Variants in YEATS2 observed in about 807,000 individuals in gnomAD.
The protein encoded by YEATS2 is YEATS domain-containing protein 2.
A neutral mutation model predicts 163.2 loss-of-function variants in YEATS2; 77 were observed. The observed-to-expected ratio is 0.47, with a 90% CI of 0.39 to 0.57. The LOEUF (loss-of-function observed/expected upper bound fraction) is 0.57. Among genes scored for constraint, YEATS2 ranks in the 20% least tolerant of loss-of-function variants. The probability of loss-of-function intolerance (pLI) is 0.00; values close to 1 mark genes in which losing one functional copy is unlikely to be tolerated. For missense variants in YEATS2, 1,549 were observed against 1,729.8 expected (o/e 0.90, Z 1.85); for synonymous variants, 631 against 645.1 (o/e 0.98, Z 0.33).
intron 15 of YEATS2, among the ~76,000 whole-genome samples, chr3:183,765,927 A>T (rs1264302538): frequency 2.0e-5 from 3 of 151,716 alleles, no homozygotes; most frequent in Non-Finnish European, 4.4e-5. Flanking sequence ...AGCCTGGGAG[A>T]TAGAGCAAGA....
intron 15 of YEATS2, among the ~76,000 whole-genome samples, chr3:183,770,306 C>A (rs1722326735): frequency 6.6e-6 from 1 of 151,906 alleles, no homozygotes; most frequent in African/African-American, 2.4e-5. Context: ...ATGGCATGAA[C>A]CCGTGAGGCG....
chr3:183,739,998 A>C (rs1345191039), intron 8 of YEATS2, among the ~76,000 whole-genome samples: 1 of 97,764 alleles, frequency 1.0e-5, no homozygotes, highest in Non-Finnish European at 2.1e-5. Flanking sequence ...TAAAACCATA[A>C]AAACCCTAGA....
chr3:183,747,259 A>G (rs1415900829), intron 8 of YEATS2, among the ~76,000 whole-genome samples: 1 of 152,162 alleles, frequency 6.6e-6, no homozygotes, highest in African/African-American at 2.4e-5. Flanking sequence ...AAATATCTGT[A>G]CACAGTCTTT....
At chr3:183,732,974 C>T (rs552841999) in intron 7 of YEATS2, among the ~76,000 whole-genome samples, 1 of 152,214 alleles carries the variant, frequency 6.6e-6, no homozygotes, top group South Asian at 2.1e-4. Flanking sequence ...TGTCCTCCTA[C>T]TTTAGCCTCC....
intron 15 of YEATS2, among the ~76,000 whole-genome samples, chr3:183,767,853 G>A (rs766459556): frequency 1.3e-5 from 2 of 152,132 alleles, no homozygotes; most frequent in East Asian, 1.9e-4. Flanking sequence ...GAGAAATTAC[G>A]TGTCATATCC....
At chr3:183,806,722 T>C (rs1321796327) in intron 27 of YEATS2, 144 bp from the exon 28 acceptor site, 2 of 752,402 alleles carry the variant, frequency 2.7e-6, no homozygotes, top group South Asian at 3.7e-5. Context: ...CTCATCATTA[T>C]AGATCCATAG....
chr3:183,770,749 G>T (rs1317891408), intron 15 of YEATS2, among the ~76,000 whole-genome samples: 1 of 152,158 alleles, frequency 6.6e-6, no homozygotes, highest in Non-Finnish European at 1.5e-5. Flanking sequence ...TTACGTAAAA[G>T]ATATTCCTAC....
intron 1 of YEATS2, among the ~76,000 whole-genome samples, chr3:183,709,533 C>T (rs1714967778): frequency 6.6e-6 from 1 of 152,032 alleles, no homozygotes; most frequent in South Asian, 2.1e-4. Flanking sequence ...TGGGGTTTCA[C>T]CATGTTGGCC....
intron 23 of YEATS2, among the ~76,000 whole-genome samples, chr3:183,800,033 C>T (rs868777480): frequency 3.9e-5 from 6 of 151,984 alleles, no homozygotes; most frequent in Admixed American, 6.6e-5. Flanking sequence ...GGGGTTTCAC[C>T]ATGTTAGCCA....
intron 7 of YEATS2, among the ~76,000 whole-genome samples, chr3:183,729,852 T>C (rs572238221): frequency 8.8e-4 from 134 of 151,840 alleles, no homozygotes; most frequent in African/African-American, 2.8e-3. Context: ...CACACCCGGC[T>C]AATTTTTTTG....
intron 15 of YEATS2, among the ~76,000 whole-genome samples, chr3:183,770,448 C>A (rs148088310): frequency 4.6e-5 from 7 of 152,252 alleles, no homozygotes; most frequent in African/African-American, 1.7e-4. Flanking sequence ...TTTCATTCTA[C>A]CTTCTAAATA....
At position 183,789,596 on chromosome 3, in the gene YEATS2, C is replaced by T. The variant is rs373423816; in HGVS notation, c.2914-1201C>T. Among the ~76,000 whole-genome samples the T allele has an allele frequency of 1.6e-4, 20 of 123,964 alleles. 1 individual carries two copies. Among genetic ancestry groups the T allele is most frequent in the Admixed American group, 8.6e-4 (8 of 9,324 alleles). 81.3% of individuals were successfully genotyped at this position (123,964 alleles called of 152,430 possible). A position where few individuals can be genotyped will look rare whatever the true frequency, so the allele number is the denominator to read the frequency against. On this transcript the variant is annotated intron_variant, in intron 20 of 30. Coordinates refer to ENST00000305135, the MANE Select transcript of YEATS2 (RefSeq NM_018023.5). ...TGTCACCCAAGCTGGAGTGCAGTGG[C>T]GCGATCTCGGCTCACTGCAACCTCC...
chr3:183,793,011 T>C, intron 21 of YEATS2: 1 of 686,050 alleles, frequency 1.5e-6, no homozygotes. Flanking sequence ...TTGTTTTTGT[T>C]TTTCTATAAT....
chr3:183,792,086 A>G (rs917169680), intron 21 of YEATS2, among the ~76,000 whole-genome samples: 13 of 152,126 alleles, frequency 8.5e-5, no homozygotes, highest in African/African-American at 2.7e-4. Flanking sequence ...ATAATCCTTT[A>G]TCTGCAATTC....
In YEATS2 at chr3:183,804,123, C is replaced by T. The variant is rs1348538395; in HGVS notation, c.3719C>T (p.Pro1240Leu). The stretch of plus-strand genomic sequence containing the variant: ...TGTCATGGCTACACCCCACCGGACC[C>T]TGAGAGCCTGAGGAATGACGGGGAC... The part of the protein sequence containing the change: ...CRCHGYTPPD[P>L]ESLRNDGDSI... Residue 1240 changes from proline (P) to leucine (L), a missense_variant, in exon 27 of 31, where the codon CCT (proline) becomes CTT (leucine). Transcript: ENST00000305135. 1 of 1,614,184 alleles carries T rather than the reference C, an allele frequency of 6.2e-7. No homozygotes were observed. Among genetic ancestry groups the T allele is most frequent in the Non-Finnish European group, 8.5e-7 (1 of 1,180,044 alleles).
At chr3:183,793,405 T>A in intron 21 of YEATS2, 1 of 1,050,678 alleles carries the variant, frequency 9.5e-7, no homozygotes, top group Non-Finnish European at 1.2e-6. Flanking sequence ...GGAGTACTTG[T>A]TCTCTACTAA....
At chr3:183,806,455 T>C (rs765477173) in intron 27 of YEATS2, 27 of 457,134 alleles carry the variant, frequency 5.9e-5, no homozygotes, top group Non-Finnish European at 1.2e-4. Context: ...TACATTGAAA[T>C]GTTAACAGTC....
At chr3:183,714,387 G>A (rs1230422122) in intron 1 of YEATS2, among the ~76,000 whole-genome samples, 3 of 150,518 alleles carry the variant, frequency 2.0e-5, no homozygotes, top group Non-Finnish European at 3.0e-5. Flanking sequence ...TAGTAGAGAC[G>A]GGTTTTCACC....
At chr3:183,733,866 A>T (rs570329486) in intron 7 of YEATS2, among the ~76,000 whole-genome samples, 1 of 151,992 alleles carries the variant, frequency 6.6e-6, no homozygotes, top group African/African-American at 2.4e-5. Context: ...TAGGTACAAG[A>T]TAGTGGTGAC....
Sources: allele counts gnomAD v4.1 joint callset (sites outside exome capture counted in the v4.1 genomes callset), GRCh38; gene constraint gnomAD v4.1.1; transcripts MANE v1.5; gene names NCBI Gene and HGNC (gene_info 2026-07-23, HGNC 2026-07-21).